TTC19: variants seen among roughly 807,000 people sequenced by gnomAD.
TTC19 encodes the protein tetratricopeptide repeat protein 19, mitochondrial.
TTC19 carries 38 observed loss-of-function variants against 49.5 expected under a neutral mutation model. The ratio of observed to expected loss-of-function variants is 0.77; its 90% CI spans 0.59 to 1.01. TTC19 has a LOEUF of 1.01. TTC19 is among the 50% of genes least tolerant of loss of function. The pLI, the probability that TTC19 is intolerant of heterozygous loss-of-function variation, is 0.00. For missense variants in TTC19, 475 were observed against 477.7 expected, an observed-to-expected ratio of 0.99 and a Z score of 0.05; for synonymous variants, 204 against 185.2, an observed-to-expected ratio of 1.10 and a Z score of -0.83.
At chr17:16,039,046 G>A (rs1032738164) in intron 2 of TTC19, among the ~76,000 whole-genome samples, 17 of 152,214 alleles carry the variant, frequency 1.1e-4, no homozygotes, top group African/African-American at 3.9e-4. Context: ...TGGGATTACA[G>A]GCGTGAACCA....
exon 3 of TTC19, chr17:16,044,854 A>T: frequency 1.1e-6 from 1 of 882,736 alleles, no homozygotes; most frequent in Non-Finnish European, 1.9e-6. Flanking sequence ...CACCAGTGGG[A>T]TCCTGCCCAC....
intron 2 of TTC19, among the ~76,000 whole-genome samples, chr17:16,037,442 C>T (rs2056640821): frequency 6.6e-6 from 1 of 151,968 alleles, no homozygotes. Flanking sequence ...ACGAGGTATG[C>T]TTGCATTTAA....
At chr17:16,019,672 G>C (rs1971314255) in intron 7 of TTC19, among the ~76,000 whole-genome samples, 1 of 152,152 alleles carries the variant, frequency 6.6e-6, no homozygotes, top group Non-Finnish European at 1.5e-5. Context: ...TGGTATAGTA[G>C]TCCATTGTAG....
At chr17:16,011,931 A>C (rs1297830311) in intron 7 of TTC19, among the ~76,000 whole-genome samples, 3 of 152,186 alleles carry the variant, frequency 2.0e-5, no homozygotes, top group Middle Eastern at 3.2e-3. Flanking sequence ...CCTCCTCCCC[A>C]AAACTCATTA....
chr17:16,022,584 T>C (rs938546440), intron 7 of TTC19, among the ~76,000 whole-genome samples: 2 of 152,202 alleles, frequency 1.3e-5, no homozygotes, highest in African/African-American at 4.8e-5. Flanking sequence ...TATGCTCAAG[T>C]TTTCCTAAAT....
downstream of TTC19, chr17:16,031,333 A>G (rs1971948542): frequency 5.3e-6 from 1 of 189,612 alleles, no homozygotes; most frequent in Non-Finnish European, 1.1e-5. Flanking sequence ...AAACTAAGGG[A>G]AAAATATGTA....
At chr17:16,005,310 C>T (rs1970869085) in intron 6 of TTC19, among the ~76,000 whole-genome samples, 1 of 152,198 alleles carries the variant, frequency 6.6e-6, no homozygotes, top group African/African-American at 2.4e-5. Flanking sequence ...GTCTTCTGGG[C>T]AGTGTCCACT....
chr17:16,002,883 G>T, intron 4 of TTC19, 52 bp downstream of exon 4: 2 of 1,534,328 alleles, frequency 1.3e-6, no homozygotes, highest in Non-Finnish European at 1.8e-6. Context: ...TAGCTTCAAG[G>T]GAACTGTAAT....
intron 7 of TTC19, among the ~76,000 whole-genome samples, chr17:16,021,684 G>A (rs115377927): frequency 3.2e-4 from 49 of 152,308 alleles, no homozygotes; most frequent in African/African-American, 1.2e-3. Flanking sequence ...CTCTGAGGTG[G>A]TGTATGCTGC....
At position 16,002,538 on chromosome 17, in the gene TTC19, A is replaced by G. The variant is rs561178110; in HGVS notation, c.424-255A>G. On this transcript the variant is annotated intron_variant, in intron 3 of 9. Coordinates refer to ENST00000261647, the MANE Select transcript of TTC19 (RefSeq NM_017775.4). The stretch of plus-strand genomic sequence containing the variant: ...ACCTCTCAATTCCAGACCAAAAAAA[A>G]CCAGTATCATTAGCATGTTTTTTTA... The G allele has an allele frequency of 9.7e-6, 5 of 517,394 alleles. No individual in the cohort carries two copies. The East Asian group carries it at 1.1e-4, about 11-fold the overall frequency. 32.1% of individuals were successfully genotyped at this position (517,394 alleles called of 1,614,324 possible).
At chr17:16,013,482 T>C (rs1971134430) in intron 7 of TTC19, among the ~76,000 whole-genome samples, 1 of 152,200 alleles carries the variant, frequency 6.6e-6, no homozygotes, top group South Asian at 2.1e-4. Context: ...TCTTTCCTTA[T>C]AATTTTCTAT....
intron 7 of TTC19, among the ~76,000 whole-genome samples, chr17:16,020,536 C>T (rs1971345371): frequency 6.6e-6 from 1 of 152,076 alleles, no homozygotes; most frequent in African/African-American, 2.4e-5. Context: ...CTTCTTATGT[C>T]TTGATTTGTA....
At chr17:16,015,591 T>C (rs1314991163) in intron 7 of TTC19, among the ~76,000 whole-genome samples, 1 of 152,158 alleles carries the variant, frequency 6.6e-6, no homozygotes, top group Non-Finnish European at 1.5e-5. Context: ...AAAACATTTC[T>C]AGAAAGTTAT....
At chr17:16,010,173 T>A (rs866064908) in intron 7 of TTC19, among the ~76,000 whole-genome samples, 18 of 105,336 alleles carry the variant, frequency 1.7e-4, no homozygotes, top group Non-Finnish European at 2.2e-4. Context: ...TTTAATTTTT[T>A]TTTTTTTTTT....
intron 7 of TTC19, chr17:16,024,658 G>A (rs1467504849): frequency 3.3e-6 from 1 of 304,180 alleles, no homozygotes; most frequent in African/African-American, 2.2e-5. Flanking sequence ...AGGATTCTGA[G>A]TGTTCTCTGT....
At chr17:16,018,637 GC>G (rs1042300278) in intron 7 of TTC19, among the ~76,000 whole-genome samples, 7 of 152,016 alleles carry the variant, frequency 4.6e-5, no homozygotes, top group Non-Finnish European at 1.0e-4. Context: ...CTCCCAAGTA[GC>G]TGAGACTGCA....
downstream of TTC19, chr17:16,032,051 T>G: frequency 2.2e-6 from 1 of 460,916 alleles, no homozygotes; most frequent in East Asian, 4.0e-5. Context: ...ACTCTACATC[T>G]CAACCCTCCA....
chr17:16,002,657 A>G (rs1170791014), intron 3 of TTC19, 136 bp from the exon 4 acceptor site: 2 of 788,912 alleles, frequency 2.5e-6, no homozygotes, highest in African/African-American at 3.4e-5. Flanking sequence ...CTTCTTGCAG[A>G]TTAATTGGTG....
intron 7 of TTC19, among the ~76,000 whole-genome samples, chr17:16,010,840 T>G (rs1245701235): frequency 6.6e-6 from 1 of 152,240 alleles, no homozygotes; most frequent in Non-Finnish European, 1.5e-5. Context: ...ATAAAATTGC[T>G]ATTTCCTAGT....
Sources: allele counts gnomAD v4.1 joint callset (sites outside exome capture counted in the v4.1 genomes callset), GRCh38; gene constraint gnomAD v4.1.1; transcripts MANE v1.5; gene names NCBI Gene and HGNC (gene_info 2026-07-23, HGNC 2026-07-21).